CTBS: variants seen among roughly 807,000 people sequenced by gnomAD.
CTBS encodes chitobiase.
A neutral mutation model predicts 44.3 loss-of-function variants in CTBS; 35 were observed. The observed-to-expected ratio is 0.79, with a 90% CI of 0.60 to 1.05. The LOEUF (loss-of-function observed/expected upper bound fraction) is 1.05, where lower values mean the gene tolerates loss of function less well. Ranked by LOEUF, CTBS falls within the 50% of genes least tolerant of loss-of-function variation. The probability of loss-of-function intolerance (pLI) is 0.00; values close to 1 mark genes in which losing one functional copy is unlikely to be tolerated. For synonymous variants in CTBS, 143 were observed against 168.0 expected (o/e 0.85, Z 1.15); for missense variants, 458 against 475.3 (o/e 0.96, Z 0.34).
chr1:84,559,725 G>A (rs1032213654), intron 6 of CTBS, among the ~76,000 whole-genome samples: 18 of 152,170 alleles, frequency 1.2e-4, no homozygotes, highest in African/African-American at 4.1e-4. Context: ...TAATTAGATT[G>A]TTTTCTGAAG....
chr1:84,566,935 T>C (rs1307561384), intron 3 of CTBS, among the ~76,000 whole-genome samples: 1 of 152,208 alleles, frequency 6.6e-6, no homozygotes, highest in African/African-American at 2.4e-5. Flanking sequence ...CAGCCTTATC[T>C]TTCATTTTGA....
chr1:84,573,341 T>C (rs1156693637), intron 1 of CTBS, among the ~76,000 whole-genome samples: 1 of 152,242 alleles, frequency 6.6e-6, no homozygotes, highest in Non-Finnish European at 1.5e-5. Context: ...GTACTGCCGA[T>C]TCATAAGTTG....
At position 84,553,039 on chromosome 1, in the gene CTBS, GA is replaced by G; in HGVS notation, c.*1959del. 1 of 1,515,134 alleles carries G rather than the reference GA, an allele frequency of 6.6e-7. No individual in the cohort carries two copies. The allele number at this position is 1,515,134 out of a possible 1,614,324, so 93.9% of individuals were successfully genotyped here. ...GAAAAGTAATTCTTTTTATAGATGAGAAAACAAGCAGTTTCAGATTTACGAA... is the reference window on the plus strand; with the variant it reads ...GAAAAGTAATTCTTTTTATAGATGAGAAACAAGCAGTTTCAGATTTACGAA... On this transcript the variant is annotated 3_prime_UTR_variant, in exon 7 of 7. Coordinates refer to ENST00000370630, the MANE Select transcript of CTBS (RefSeq NM_004388.3).
chr1:84,569,827 T>A, intron 3 of CTBS, 104 bp downstream of exon 3: 1 of 1,038,706 alleles, frequency 9.6e-7, no homozygotes. Flanking sequence ...CTGAAACTCT[T>A]TCCCATTGCA....
Position 84,565,923 on chromosome 1 carries a change from A to G in CTBS, c.615T>C (p.Phe205=). 1 of 1,602,570 alleles carries G rather than the reference A, an allele frequency of 6.2e-7. No individual in the cohort carries two copies. The highest frequency in any genetic ancestry group is 8.5e-7 in the Non-Finnish European group (1 of 1,174,904). ...TGIADACDFL[F]VMSYDEQSQI... is the part of the protein sequence containing the mutation. ...GACTTTGTTCATCATAAGACATCAC[A>G]AAGAGGAAGTCACAAGCATCTGCGA... is the stretch of plus-strand genomic sequence containing the variant. Residue 205 remains phenylalanine, a synonymous_variant, in exon 4 of 7, where the codon TTT becomes TTC. Transcript: ENST00000370630.
intron 4 of CTBS, 33 bp from the exon 5 acceptor site, chr1:84,563,865 T>A: frequency 6.3e-7 from 1 of 1,592,000 alleles, no homozygotes; most frequent in Admixed American, 1.8e-5. Context: ...GCATATTTGT[T>A]TCTCTTCATA....
chr1:84,558,428 T>G (rs947923577), intron 6 of CTBS, among the ~76,000 whole-genome samples: 3 of 150,424 alleles, frequency 2.0e-5, no homozygotes, highest in Admixed American at 6.6e-5. Flanking sequence ...TAGCTGGGAC[T>G]ACAGGCGCCC....
chr1:84,556,369 G>C (rs571556088), intron 6 of CTBS, among the ~76,000 whole-genome samples: 2 of 152,166 alleles, frequency 1.3e-5, no homozygotes, highest in Admixed American at 6.5e-5. Flanking sequence ...CTGAATTAAT[G>C]CCAGTAATAT....
At chr1:84,574,098 G>A in intron 1 of CTBS, 141 bp downstream of exon 1, 4 of 1,467,340 alleles carry the variant, frequency 2.7e-6, no homozygotes, top group Non-Finnish European at 3.6e-6. Context: ...TAAATTGAAG[G>A]ATCCGTAAAC....
At position 84,563,274 on chromosome 1, in the gene CTBS, G is replaced by T; in HGVS notation, c.940C>A (p.Pro314Thr). 6.4e-7 allele frequency: 1 copy of T among 1,555,512 alleles called. No homozygotes were observed. Among genetic ancestry groups the T allele is most frequent in the Non-Finnish European group, 8.7e-7 (1 of 1,153,190 alleles). Reference sequence around the variant, plus strand: ...AGTCTTACTTTATAGTTATAATAAGGAGCCCGCTGATCTTTATCCCATAGG... The same window carrying T: ...AGTCTTACTTTATAGTTATAATAAGTAGCCCGCTGATCTTTATCCCATAGG... ...GNLWDKDQRA[P>T]YYNYKDPAGH... The change falls in exon 6 of 7, where the codon CCT (proline) becomes ACT (threonine). Residue 314 changes from proline to threonine, a missense_variant. By Grantham distance (38) the Pro-to-Thr change is conservative (BLOSUM62 -1). Transcript: ENST00000370630.
chr1:84,560,113 G>T (rs976106148), intron 6 of CTBS, among the ~76,000 whole-genome samples: 5 of 142,560 alleles, frequency 3.5e-5, no homozygotes, highest in Non-Finnish European at 7.6e-5. Flanking sequence ...AAGAAAGAAA[G>T]AAAGAAAGAA....
Position 84,550,227 on chromosome 1 carries a change from T to G in CTBS, c.*4772A>C, listed in dbSNP as rs1347765791. The G allele has an allele frequency of 4.4e-5, 15 of 341,320 alleles. No homozygotes were observed. The highest frequency in any genetic ancestry group is 7.5e-5 in the Non-Finnish European group (14 of 186,602). The allele number at this position is 341,320 out of a possible 1,614,324, so 21.1% of individuals were successfully genotyped here. ...TTTACGATGCTAATTTAATGGTAAC[T>G]TTAGAGAAAGTGTTCCCTAAAATGC... On this transcript the variant is annotated 3_prime_UTR_variant, in exon 7 of 7. Coordinates refer to ENST00000370630, the MANE Select transcript of CTBS (RefSeq NM_004388.3).
intron 6 of CTBS, 86 bp from the exon 7 acceptor site, chr1:84,555,285 G>GTA (rs1462852063): frequency 2.0e-5 from 21 of 1,032,526 alleles, no homozygotes; most frequent in Non-Finnish European, 8.1e-6. Flanking sequence ...GAAGTATACA[G>GTA]TACAGTAAGA....
chr1:84,572,114 G>T (rs968841355), intron 1 of CTBS, among the ~76,000 whole-genome samples: 10 of 152,168 alleles, frequency 6.6e-5, no homozygotes, highest in Admixed American at 5.2e-4. Flanking sequence ...TTTTAATTCA[G>T]GGGATATGCA....
At chr1:84,561,428 G>T (rs571741375) in intron 6 of CTBS, among the ~76,000 whole-genome samples, 1 of 152,348 alleles carries the variant, frequency 6.6e-6, no homozygotes, top group South Asian at 2.1e-4. Flanking sequence ...AGTTTCTTGA[G>T]AATGGAATCT....
intron 1 of CTBS, among the ~76,000 whole-genome samples, chr1:84,570,956 G>C (rs974178430): frequency 6.6e-6 from 1 of 152,164 alleles, no homozygotes; most frequent in Non-Finnish European, 1.5e-5. Context: ...TGGAGGCAGA[G>C]ACAACATGGT....
rs187307435 is a variant in CTBS at position 84,551,364 on chromosome 1, A to G, written c.*3635T>C. The G allele has an allele frequency of 2.2e-4, 170 of 771,232 alleles. No individual in the cohort carries two copies. The highest frequency in any genetic ancestry group is 2.1e-3 in the Admixed American group (34 of 15,962). The allele number at this position is 771,232 out of a possible 1,614,324, so 47.8% of individuals were successfully genotyped here. On this transcript the variant is annotated 3_prime_UTR_variant, in exon 7 of 7. Coordinates refer to ENST00000370630, the MANE Select transcript of CTBS (RefSeq NM_004388.3). ...TCAGTACTGTCCTCGGTTTCAGATA[A>G]AAATAAAAATAAATAAAATTTAAAA...
chr1:84,553,740 A>G lies in CTBS; in HGVS notation c.*1259T>C, dbSNP rs919094499. 4 of 152,182 alleles carry G rather than the reference A, an allele frequency of 2.6e-5. No individual in the cohort carries two copies. Among genetic ancestry groups the G allele is most frequent in the African/African-American group, 9.6e-5 (4 of 41,452 alleles). The allele number at this position is 152,182 out of a possible 1,614,324, so 9.4% of individuals were successfully genotyped here. A position where few individuals can be genotyped will look rare whatever the true frequency, so the allele number is the denominator to read the frequency against. On this transcript the variant is annotated 3_prime_UTR_variant, in exon 7 of 7. Transcript: ENST00000370630. ...AAATAGGAAATGTAATATTCTCATA[A>G]CAGATGGTTCAATCATCATGTATTC...
At position 84,553,112 on chromosome 1, in the gene CTBS, C is replaced by T; in HGVS notation, c.*1887G>A. On this transcript the variant is annotated 3_prime_UTR_variant, in exon 7 of 7. Coordinates refer to ENST00000370630, the MANE Select transcript of CTBS (RefSeq NM_004388.3). ...AGAAAAAAAAAATAATACATCTCTA[C>T]AATCTCAATTAGGTATGTTAATTTA... The T allele has an allele frequency of 6.7e-7, 1 of 1,497,538 alleles. No individual in the cohort carries two copies. The highest frequency in any genetic ancestry group is 9.0e-7 in the Non-Finnish European group (1 of 1,114,972). The allele number at this position is 1,497,538 out of a possible 1,614,324, so 92.8% of individuals were successfully genotyped here. A position where few individuals can be genotyped will look rare whatever the true frequency, so the allele number is the denominator to read the frequency against.
Sources: allele counts gnomAD v4.1 joint callset (sites outside exome capture counted in the v4.1 genomes callset), GRCh38; gene constraint gnomAD v4.1.1; transcripts MANE v1.5; gene names NCBI Gene and HGNC (gene_info 2026-07-23, HGNC 2026-07-21).